The following PIAS1 variants were observed in gnomAD, a reference collection of about 807,000 sequenced individuals.
The protein encoded by PIAS1 is protein inhibitor of activated STAT 1, also known as E3 SUMO-protein ligase PIAS1.
A neutral mutation model predicts 71.3 loss-of-function variants in PIAS1; 6 were observed. The observed-to-expected ratio is 0.08, with a 90% CI of 0.05 to 0.17. The LOEUF (loss-of-function observed/expected upper bound fraction) is 0.17. PIAS1 is among the 10% of genes least tolerant of loss of function. PIAS1 has a pLI of 1.00. For missense variants in PIAS1, 555 were observed against 793.6 expected (o/e 0.70, Z 3.61); for synonymous variants, 303 against 292.9 (o/e 1.03, Z -0.35).
At chr15:68,089,875 AATTTTATTTT>A (rs916207925) in intron 2 of PIAS1, among the ~76,000 whole-genome samples, 1 of 146,492 alleles carries the variant, frequency 6.8e-6, no homozygotes, top group African/African-American at 2.5e-5. Context: ...TTATTTTTTA[AATTTTATTTT>A]ATTTTATTAT....
intron 7 of PIAS1, 123 bp downstream of exon 7, chr15:68,153,818 G>A (rs2092866941): frequency 3.4e-6 from 2 of 589,326 alleles, no homozygotes; most frequent in East Asian, 5.7e-5. Context: ...AGTTCTTAGA[G>A]TAGTTCTGAT....
intron 2 of PIAS1, chr15:68,087,891 G>C (rs757488832): frequency 1.9e-5 from 6 of 312,140 alleles, no homozygotes; most frequent in Non-Finnish European, 3.3e-5. Context: ...TTCAAACAAC[G>C]TGAGTTTTGT....
chr15:68,175,982 AGTAAT>A (rs1206890181), intron 10 of PIAS1, among the ~76,000 whole-genome samples: 1 of 152,224 alleles, frequency 6.6e-6, no homozygotes, highest in Non-Finnish European at 1.5e-5. Context: ...AAGATTTCAA[AGTAAT>A]GTAATATAAT....
intron 1 of PIAS1, among the ~76,000 whole-genome samples, chr15:68,057,956 T>A (rs1295172132): frequency 6.6e-6 from 1 of 152,230 alleles, no homozygotes; most frequent in Non-Finnish European, 1.5e-5. Flanking sequence ...CCCTGTTGAT[T>A]GCGGTAGTGC....
At chr15:68,139,106 C>A (rs908750679) in intron 2 of PIAS1, among the ~76,000 whole-genome samples, 3 of 152,092 alleles carry the variant, frequency 2.0e-5, no homozygotes, top group South Asian at 4.1e-4. Context: ...CCTAACAGAG[C>A]GTGTATGTTT....
intron 1 of PIAS1, among the ~76,000 whole-genome samples, chr15:68,081,699 G>C (rs1186051041): frequency 1.3e-5 from 2 of 151,932 alleles, no homozygotes; most frequent in Non-Finnish European, 2.9e-5. Context: ...TAAAAGACAA[G>C]AGATGTAAAA....
At chr15:68,184,868 C>T (rs2093077614) in intron 13 of PIAS1, 1 of 153,366 alleles carries the variant, frequency 6.5e-6, no homozygotes, top group African/African-American at 2.4e-5. Context: ...TGTGATCTGG[C>T]ACAGTGAGAA....
intron 9 of PIAS1, 91 bp from the exon 10 acceptor site, chr15:68,175,545 TA>T: frequency 2.0e-6 from 1 of 503,426 alleles, no homozygotes; most frequent in Non-Finnish European, 3.1e-6. Flanking sequence ...TATTCCTAGT[TA>T]GTACTAGATT....
chr15:68,071,324 C>T (rs1175503136), intron 1 of PIAS1, among the ~76,000 whole-genome samples: 1 of 138,226 alleles, frequency 7.2e-6, no homozygotes, highest in Admixed American at 7.5e-5. Context: ...TTAAGCAATT[C>T]TCTGCTTCAG....
intron 2 of PIAS1, among the ~76,000 whole-genome samples, chr15:68,140,355 G>T (rs1451538974): frequency 2.0e-5 from 3 of 152,144 alleles, no homozygotes; most frequent in African/African-American, 4.8e-5. Flanking sequence ...AAGTCTACTG[G>T]ACTAAAATCT....
At chr15:68,110,635 G>A (rs1595732832) in intron 2 of PIAS1, among the ~76,000 whole-genome samples, 2 of 152,012 alleles carry the variant, frequency 1.3e-5, no homozygotes, top group African/African-American at 4.8e-5. Context: ...GGTGGTGCGT[G>A]CCTGTAGTCC....
Position 68,142,040 on chromosome 15 carries a change from C to A in PIAS1, c.554+10C>A, listed in dbSNP as rs750502048. The A allele has an allele frequency of 5.7e-6, 9 of 1,573,390 alleles. No individual in the cohort carries two copies. Among genetic ancestry groups the A allele is most frequent in the Non-Finnish European group, 6.9e-6 (8 of 1,151,214 alleles). ...AAATCAGTAGTTCCATGTAAGTTGT[C>A]GTCAAGTGTAACTTGAAGTTTGACC... On this transcript the variant is annotated intron_variant, in intron 3 of 13. Transcript: ENST00000249636.
chr15:68,148,945 T>A (rs867909750), intron 6 of PIAS1, among the ~76,000 whole-genome samples: 10 of 151,902 alleles, frequency 6.6e-5, no homozygotes, highest in African/African-American at 2.4e-4. Flanking sequence ...GATTGAGTGA[T>A]GAATTGAAAG....
chr15:68,109,486 G>A (rs1160048132), intron 2 of PIAS1, among the ~76,000 whole-genome samples: 2 of 152,152 alleles, frequency 1.3e-5, no homozygotes, highest in African/African-American at 4.8e-5. Context: ...TATTAGTTGA[G>A]TAAATATTTG....
At chr15:68,172,341 C>G (rs915509938) in intron 8 of PIAS1, among the ~76,000 whole-genome samples, 1 of 152,168 alleles carries the variant, frequency 6.6e-6, no homozygotes, top group Non-Finnish European at 1.5e-5. Context: ...GGTTCCAAGT[C>G]TTTGCTATTG....
chr15:68,146,745 G>A (rs776653961), intron 6 of PIAS1, 45 bp downstream of exon 6: 4 of 1,432,524 alleles, frequency 2.8e-6, no homozygotes, highest in African/African-American at 2.8e-5. Flanking sequence ...TTATAAGGAG[G>A]GGTTAATCAC....
intron 1 of PIAS1, among the ~76,000 whole-genome samples, chr15:68,063,335 A>C (rs1415693072): frequency 6.6e-6 from 1 of 152,194 alleles, no homozygotes; most frequent in Non-Finnish European, 1.5e-5. Flanking sequence ...TGCAAGTCTA[A>C]TCTTAAAGAT....
At chr15:68,091,536 A>G (rs1406008792) in intron 2 of PIAS1, among the ~76,000 whole-genome samples, 1 of 152,198 alleles carries the variant, frequency 6.6e-6, no homozygotes, top group Non-Finnish European at 1.5e-5. Flanking sequence ...CATTTTTAAT[A>G]TAGTGCTTTT....
intron 7 of PIAS1, among the ~76,000 whole-genome samples, chr15:68,160,001 T>C (rs1274468705): frequency 6.6e-6 from 1 of 152,184 alleles, no homozygotes; most frequent in Non-Finnish European, 1.5e-5. Flanking sequence ...ATCAGGCTGC[T>C]TTATTGTAGC....
Sources: gnomAD v4.1 joint callset for allele counts (sites outside exome capture counted in the v4.1 genomes callset) on GRCh38, gnomAD v4.1.1 for gene constraint, MANE v1.5 for transcripts, NCBI Gene and HGNC (gene_info 2026-07-23, HGNC 2026-07-21) for gene names.